AGPS: variants seen among roughly 807,000 people sequenced by gnomAD.
AGPS encodes alkylglycerone phosphate synthase, also known as alkyldihydroxyacetonephosphate synthase, peroxisomal.
Under a neutral mutation model 90.7 loss-of-function variants are expected in AGPS, and 26 were observed. That is an observed-to-expected ratio of 0.29 (90% confidence interval 0.21 to 0.40). The LOEUF (loss-of-function observed/expected upper bound fraction) is 0.40, where lower values mean the gene tolerates loss of function less well. AGPS is among the 10% of genes least tolerant of loss of function. AGPS has a pLI of 1.00. For missense variants in AGPS, 540 were observed against 816.1 expected (o/e 0.66, Z 4.12); for synonymous variants, 294 against 285.3 (o/e 1.03, Z -0.31).
intron 1 of AGPS, chr2:177,393,359 T>G (rs960166798): frequency 1.0e-6 from 1 of 985,406 alleles, no homozygotes; most frequent in African/African-American, 1.7e-5. Context: ...ATTTTTTATC[T>G]TGAATTAATA....
intron 1 of AGPS, chr2:177,393,599 A>G: frequency 1.0e-6 from 1 of 983,790 alleles, no homozygotes; most frequent in Non-Finnish European, 1.2e-6. Context: ...GATGAATGGT[A>G]AGAAGCCATA....
chr2:177,438,758 G>T (rs1686499448), intron 5 of AGPS, among the ~76,000 whole-genome samples: 1 of 152,130 alleles, frequency 6.6e-6, no homozygotes, highest in South Asian at 2.1e-4. Context: ...GCTGAATCAA[G>T]TTTATAATTT....
chr2:177,411,139 G>A (rs559438575), intron 1 of AGPS, among the ~76,000 whole-genome samples: 56 of 152,238 alleles, frequency 3.7e-4, no homozygotes, highest in African/African-American at 1.2e-3. Flanking sequence ...TAAAAAAACT[G>A]AGGTTGCCAA....
chr2:177,402,802 A>G (rs1345776414), intron 1 of AGPS, among the ~76,000 whole-genome samples: 2 of 152,178 alleles, frequency 1.3e-5, no homozygotes, highest in African/African-American at 4.8e-5. Flanking sequence ...CACGCCTGTA[A>G]TCCCAGCACT....
chr2:177,430,325 T>C (rs1045742665), intron 2 of AGPS, among the ~76,000 whole-genome samples: 10 of 152,192 alleles, frequency 6.6e-5, no homozygotes, highest in Non-Finnish European at 1.5e-4. Flanking sequence ...GTTGCTTGGA[T>C]CCCTGGATTC....
At chr2:177,537,840 A>G (rs2079197549) in intron 19 of AGPS, among the ~76,000 whole-genome samples, 1 of 152,058 alleles carries the variant, frequency 6.6e-6, no homozygotes, top group Non-Finnish European at 1.5e-5. Context: ...TTCAATCTCC[A>G]TTTCATAGTT....
chr2:177,398,567 G>C (rs77578663), intron 1 of AGPS, among the ~76,000 whole-genome samples: 2,046 of 152,276 alleles, frequency 0.013, 29 homozygotes, highest in South Asian at 0.055. Context: ...TACCACATCT[G>C]ATGTTCCCGG....
At chr2:177,529,574 A>G (rs1292386199) in intron 19 of AGPS, among the ~76,000 whole-genome samples, 1 of 152,240 alleles carries the variant, frequency 6.6e-6, no homozygotes, top group African/African-American at 2.4e-5. Flanking sequence ...ATTTAGTCAT[A>G]GAAAGTCTCA....
intron 19 of AGPS, among the ~76,000 whole-genome samples, chr2:177,535,570 T>TTTG (rs1000656956): frequency 6.6e-6 from 1 of 152,154 alleles, no homozygotes; most frequent in African/African-American, 2.4e-5. Context: ...GCCTGTGGTG[T>TTTG]TTGTTGTTTT....
chr2:177,464,956 C>T (rs1222255795), intron 9 of AGPS, among the ~76,000 whole-genome samples: 1 of 152,192 alleles, frequency 6.6e-6, no homozygotes, highest in Non-Finnish European at 1.5e-5. Flanking sequence ...ATAGACAATT[C>T]AAGCAATTAG....
At chr2:177,396,209 A>G (rs1215267917) in intron 1 of AGPS, among the ~76,000 whole-genome samples, 1 of 152,236 alleles carries the variant, frequency 6.6e-6, no homozygotes, top group Non-Finnish European at 1.5e-5. Context: ...ATGAAAGTGC[A>G]TATCGTATTT....
At chr2:177,428,663 G>A (rs987424514) in intron 2 of AGPS, among the ~76,000 whole-genome samples, 6 of 152,178 alleles carry the variant, frequency 3.9e-5, no homozygotes, top group African/African-American at 1.4e-4. Context: ...CTTCTGGCCT[G>A]TAGGGTTTTT....
Position 177,392,806 on chromosome 2 carries a change from C to A in AGPS, c.17C>A (p.Ala6Asp). The change falls in exon 1 of 20, where the codon GCT becomes GAT. Residue 6 changes from alanine to aspartate, a missense_variant. Physicochemically the swap from Ala to Asp is moderately radical, Grantham distance 126. Transcript: ENST00000264167. ...GCGGTAGCCATGGCGGAGGCGGCGG[C>A]TGCAGCGGGTGGGACTGGCTTGGGC... MAEAA[A>D]AAGGTGLGAG... 6.6e-7 allele frequency: 1 copy of A among 1,509,794 alleles called. No homozygotes were observed. Among genetic ancestry groups the A allele is most frequent in the Non-Finnish European group, 8.8e-7 (1 of 1,141,536 alleles). 93.5% of individuals were successfully genotyped at this position (1,509,794 alleles called of 1,614,324 possible). A position where few individuals can be genotyped will look rare whatever the true frequency, so the allele number is the denominator to read the frequency against.
chr2:177,528,849 C>CT (rs71008000), intron 19 of AGPS, among the ~76,000 whole-genome samples: 41,460 of 78,900 alleles, frequency 0.53, 12,354 homozygotes, highest in South Asian at 0.67. Flanking sequence ...CATATTAATC[C>CT]TTTTTTTTTT....
intron 16 of AGPS, 66 bp downstream of exon 16, chr2:177,508,097 C>G: frequency 1.6e-6 from 2 of 1,232,768 alleles, no homozygotes; most frequent in South Asian, 2.4e-5. Flanking sequence ...AGTAATGTTT[C>G]TTTTTGTGTG....
At position 177,479,935 on chromosome 2, in the gene AGPS, C is replaced by T. The variant is rs576511509; in HGVS notation, c.1106-2124C>T. Among the ~76,000 whole-genome samples, 3 of 152,314 alleles carry T rather than the reference C, an allele frequency of 2.0e-5. No homozygotes were observed. The South Asian group carries it at 6.2e-4, about 32-fold the overall frequency. ...GTGGCTCATGCCTATAATCCCAGCA[C>T]TTTGGGAGGCCAAGGCGGGTAGATC... On this transcript the variant is annotated intron_variant, in intron 10 of 19. Coordinates refer to ENST00000264167, the MANE Select transcript of AGPS (RefSeq NM_003659.4).
intron 19 of AGPS, among the ~76,000 whole-genome samples, chr2:177,531,036 T>C (rs2079132244): frequency 6.6e-6 from 1 of 152,186 alleles, no homozygotes; most frequent in African/African-American, 2.4e-5. Context: ...CCAAAATTAC[T>C]CCCTATTATA....
chr2:177,437,686 T>C (rs887945311), intron 5 of AGPS, among the ~76,000 whole-genome samples: 3 of 152,190 alleles, frequency 2.0e-5, no homozygotes, highest in East Asian at 1.9e-4. Flanking sequence ...CTGTCCATTA[T>C]TGCATTTTTT....
intron 8 of AGPS, among the ~76,000 whole-genome samples, chr2:177,448,079 A>AT (rs912730032): frequency 3.6e-4 from 53 of 148,510 alleles, no homozygotes; most frequent in Admixed American, 8.1e-4. Context: ...TCTGACTCGA[A>AT]TTTTTTTTTT....
Sources: gnomAD v4.1 joint callset for allele counts (sites outside exome capture counted in the v4.1 genomes callset) on GRCh38, gnomAD v4.1.1 for gene constraint, MANE v1.5 for transcripts, NCBI Gene and HGNC (gene_info 2026-07-23, HGNC 2026-07-21) for gene names.